VTI1A: variants seen among roughly 807,000 people sequenced by gnomAD.
VTI1A encodes the protein vesicle transport through interaction with t-SNAREs 1A.
A neutral mutation model predicts 34.9 loss-of-function variants in VTI1A; 22 were observed. The observed-to-expected ratio is 0.63, with a 90% CI of 0.45 to 0.90. The LOEUF is 0.90. Ranked by LOEUF, VTI1A falls within the 40% of genes least tolerant of loss-of-function variation. VTI1A has a pLI of 0.00. For synonymous variants in VTI1A, 87 were observed against 97.3 expected, an observed-to-expected ratio of 0.89 and a Z score of 0.62; for missense variants, 268 against 275.6, an observed-to-expected ratio of 0.97 and a Z score of 0.20.
chr10:112,835,839 G>C, the VTI1A span, among the ~76,000 whole-genome samples: 1 of 152,056 alleles, frequency 6.6e-6, no homozygotes, highest in African/African-American at 2.4e-5. Context: ...ATTGGGGTAG[G>C]GGGGGCAGTA....
At chr10:112,624,721 G>C (rs539938239) in intron 5 of VTI1A, among the ~76,000 whole-genome samples, 1 of 152,280 alleles carries the variant, frequency 6.6e-6, no homozygotes, top group African/African-American at 2.4e-5. Flanking sequence ...TGAATCAGCA[G>C]TTTGGCAGTT....
intron 5 of VTI1A, among the ~76,000 whole-genome samples, chr10:112,557,169 T>C (rs980086298): frequency 4.0e-4 from 61 of 152,162 alleles, no homozygotes; most frequent in Admixed American, 1.4e-3. Flanking sequence ...TAGCCTCTTT[T>C]ACTTTCTCTT....
intron 7 of VTI1A, among the ~76,000 whole-genome samples, chr10:112,712,070 G>T (rs546102262): frequency 6.6e-6 from 1 of 152,242 alleles, no homozygotes; most frequent in South Asian, 2.1e-4. Context: ...TTGAATGAGT[G>T]ACCCAATTAG....
chr10:112,548,718 C>T (rs1166446669), intron 5 of VTI1A: 11 of 1,346,310 alleles, frequency 8.2e-6, no homozygotes, highest in Admixed American at 1.7e-5. Flanking sequence ...CCCACAGCAA[C>T]TGTCTATCTC....
chr10:112,580,045 A>T (rs1403207834), intron 5 of VTI1A, among the ~76,000 whole-genome samples: 1 of 151,832 alleles, frequency 6.6e-6, no homozygotes, highest in Non-Finnish European at 1.5e-5. Context: ...TAGAATTATT[A>T]TTTTTTTTCT....
Position 112,496,623 on chromosome 10 carries a change from T to C in VTI1A, c.265-30464T>C, listed in dbSNP as rs1849037214. ...ATTTAAGGCAAAATTATTGCTTTAT[T>C]AAACAAATTCAGTTTTAGGTTCATT... On this transcript the variant is annotated intron_variant, in intron 3 of 7. Transcript: ENST00000393077. 2.0e-5 allele frequency among the ~76,000 whole-genome samples: 3 copies of C among 152,288 alleles called. No individual in the cohort carries two copies. The South Asian group carries it at 6.2e-4, about 32-fold the overall frequency.
intron 7 of VTI1A, among the ~76,000 whole-genome samples, chr10:112,765,905 G>A (rs903991541): frequency 2.6e-5 from 4 of 152,212 alleles, no homozygotes; most frequent in Admixed American, 1.3e-4. Flanking sequence ...TGGAGAAGCT[G>A]TGGTCTAGAG....
At chr10:112,459,200 C>T (rs989140763) in intron 1 of VTI1A, among the ~76,000 whole-genome samples, 2 of 152,144 alleles carry the variant, frequency 1.3e-5, no homozygotes, top group Admixed American at 1.3e-4. Flanking sequence ...TAAAGTCAAG[C>T]CATTTCAGTT....
chr10:112,736,850 C>T, intron 7 of VTI1A: 1 of 957,258 alleles, frequency 1.0e-6, no homozygotes. Context: ...GAAAGAGCTG[C>T]CCTGGACGGA....
Position 112,511,699 on chromosome 10 carries a change from T to C in VTI1A, c.265-15388T>C, listed in dbSNP as rs80214886. Reference sequence around the variant, plus strand: ...TTTGCACCCTTTAACCTGCTTCTCTTCATCCTCCCTCCTCCTCCTCCTAAT... The same window carrying C: ...TTTGCACCCTTTAACCTGCTTCTCTCCATCCTCCCTCCTCCTCCTCCTAAT... On this transcript the variant is annotated intron_variant, in intron 3 of 7. Transcript: ENST00000393077. Among the ~76,000 whole-genome samples the C allele has an allele frequency of 9.2e-5, 14 of 152,282 alleles. No homozygotes were observed. The East Asian group carries it at 2.1e-3, about 23-fold the overall frequency.
At chr10:112,634,374 T>A (rs1485978560) in intron 5 of VTI1A, 1 of 152,392 alleles carries the variant, frequency 6.6e-6, no homozygotes, top group East Asian at 1.9e-4. Flanking sequence ...CACTATGCTG[T>A]GCTATTTAAT....
chr10:112,588,432 A>AG (rs1361462239), intron 5 of VTI1A, among the ~76,000 whole-genome samples: 7 of 152,238 alleles, frequency 4.6e-5, no homozygotes. Flanking sequence ...ATTTGTAGGA[A>AG]GTACTACTTG....
chr10:112,463,844 AC>A lies in VTI1A; in HGVS notation c.154-700del, dbSNP rs201789675. 5.5e-3 allele frequency among the ~76,000 whole-genome samples: 839 copies of A among 152,332 alleles called. 6 individuals carry two copies. Among genetic ancestry groups the A allele is most frequent in the African/African-American group, 0.019 (791 of 41,568 alleles). On this transcript the variant is annotated intron_variant, in intron 2 of 7. Transcript: ENST00000393077. ...AGGCTTGGCTGATGTTTCATGGATT[AC>A]CCATGGGAAATAATAGCTTACTTTA...
In VTI1A at chr10:112,645,329, G is replaced by C. The variant is rs1406280977; in HGVS notation, c.428-22889G>C. ...TATCTTAACCCAGTTACTCATTATG[G>C]GGTGTAAATGGGTATATATTTGGTA... On this transcript the variant is annotated intron_variant, in intron 5 of 7. Coordinates refer to ENST00000393077, the MANE Select transcript of VTI1A (RefSeq NM_145206.4). 3.3e-5 allele frequency among the ~76,000 whole-genome samples: 5 copies of C among 152,236 alleles called. No individual in the cohort carries two copies. In the South Asian group the frequency reaches 1.0e-3, roughly 32 times the overall value.
chr10:112,721,493 C>A (rs549854630), intron 7 of VTI1A, among the ~76,000 whole-genome samples: 33 of 152,212 alleles, frequency 2.2e-4, no homozygotes, highest in Non-Finnish European at 3.5e-4. Flanking sequence ...ATTTGATGCT[C>A]ACAATTTGAC....
At chr10:112,754,284 C>G (rs1156254379) in intron 7 of VTI1A, among the ~76,000 whole-genome samples, 1 of 152,032 alleles carries the variant, frequency 6.6e-6, no homozygotes, top group African/African-American at 2.4e-5. Context: ...CAGCTGTGAT[C>G]CTCAGGCCGC....
rs1262572482 is a variant in VTI1A, at chr10:112,767,049, A to G, written c.561-48241A>G. 6.6e-6 allele frequency among the ~76,000 whole-genome samples: 1 copy of G among 152,234 alleles called. No homozygotes were observed. Among genetic ancestry groups the G allele is most frequent in the East Asian group, 1.9e-4 (1 of 5,206 alleles). On this transcript the variant is annotated intron_variant, in intron 7 of 7. Transcript: ENST00000393077. The surrounding 1 kb of genome is among the most constrained non-coding windows in gnomAD (Gnocchi z 4.0). ...CAGAGTTTAAAGCCACTGATTTCTTAGCCATGTGAGTTTTTATTCTTTAAA... is the reference window on the plus strand; with the variant it reads ...CAGAGTTTAAAGCCACTGATTTCTTGGCCATGTGAGTTTTTATTCTTTAAA...
At chr10:112,651,342 C>T (rs546952664) in intron 5 of VTI1A, among the ~76,000 whole-genome samples, 1 of 152,270 alleles carries the variant, frequency 6.6e-6, no homozygotes, top group Non-Finnish European at 1.5e-5. Flanking sequence ...TGGAGTTTCA[C>T]TGTTGTTGCC....
chr10:112,633,420 T>G (rs1180645760), intron 5 of VTI1A, among the ~76,000 whole-genome samples: 1 of 152,192 alleles, frequency 6.6e-6, no homozygotes. Flanking sequence ...AGCTGCTTTT[T>G]TCCTTCAAGT....
Sources: gnomAD v4.1 joint callset for allele counts (sites outside exome capture counted in the v4.1 genomes callset) on GRCh38, gnomAD v4.1.1 for gene constraint, Gnocchi (gnomAD v3.1) non-coding constraint, MANE v1.5 for transcripts, NCBI Gene and HGNC (gene_info 2026-07-23, HGNC 2026-07-21) for gene names.